Variants in USP15 observed in about 807,000 individuals in gnomAD.
USP15 encodes the protein ubiquitin carboxyl-terminal hydrolase 15.
A neutral mutation model predicts 127.1 loss-of-function variants in USP15; 18 were observed. The ratio of observed to expected loss-of-function variants is 0.14; its 90% CI spans 0.10 to 0.21. The LOEUF is 0.21. Ranked by LOEUF, USP15 falls within the 10% of genes least tolerant of loss-of-function variation. The pLI, the probability that USP15 is intolerant of heterozygous loss-of-function variation, is 1.00. For missense variants in USP15, 805 were observed against 1,159.9 expected (o/e 0.69, Z 4.44); for synonymous variants, 364 against 393.7 (o/e 0.92, Z 0.89).
chr12:62,287,202 A>G (rs1268914363), intron 1 of USP15, among the ~76,000 whole-genome samples: 1 of 152,108 alleles, frequency 6.6e-6, no homozygotes, highest in Non-Finnish European at 1.5e-5. Context: ...GCGGTTGGAA[A>G]AAAACCTCTC....
chr12:62,372,853 T>A (rs1426252261), intron 8 of USP15, among the ~76,000 whole-genome samples: 4 of 152,044 alleles, frequency 2.6e-5, no homozygotes, highest in Non-Finnish European at 5.9e-5. Context: ...TTCCATTCTT[T>A]AAAATAAATA....
Position 62,383,877 on chromosome 12 carries a change from A to T in USP15, c.1127A>T (p.Tyr376Phe), listed in dbSNP as rs1171252445. Residue 376 changes from tyrosine to phenylalanine, a missense_variant, in exon 10 of 22, where the codon TAT (tyrosine) becomes TTT (phenylalanine). Around this residue, in one of 11 missense-constraint regions of USP15, gnomAD observed 84 missense variants for 210.3 expected, o/e 0.40. Transcript: ENST00000280377. ...VGRFAPQFSGYQQQDCQELLA... is the reference protein window; with the variant it reads ...VGRFAPQFSGFQQQDCQELLA... ...CGTTTTGCACCTCAGTTCTCTGGAT[A>T]TCAGCAGCAAGACTGTCAAGAACTG... 6.2e-7 allele frequency: 1 copy of T among 1,612,902 alleles called. No homozygotes were observed. The highest frequency in any genetic ancestry group is 1.7e-5 in the Admixed American group (1 of 59,964).
chr12:62,311,015 CATTT>C (rs527553161), intron 3 of USP15, among the ~76,000 whole-genome samples: 44 of 151,954 alleles, frequency 2.9e-4, no homozygotes, highest in Admixed American at 1.1e-3. Flanking sequence ...GTTGGCCATT[CATTT>C]GTCTTTTGAG....
rs114978315 is a variant in USP15 at position 62,279,077 on chromosome 12, A to G, written c.90-15102A>G. The G allele has an allele frequency of 2.0e-3, 302 of 152,242 alleles. 3 individuals are homozygous for G. Among genetic ancestry groups the G allele is most frequent in the African/African-American group, 6.8e-3 (281 of 41,548 alleles). 9.4% of individuals were successfully genotyped at this position (152,242 alleles called of 1,614,324 possible). ...TCTGTACAATATAATATTGTTAACTATAGGCACAATATTGTACAATAGACT... is the reference window on the plus strand; with the variant it reads ...TCTGTACAATATAATATTGTTAACTGTAGGCACAATATTGTACAATAGACT... On this transcript the variant is annotated intron_variant, in intron 1 of 21. Transcript: ENST00000280377.
chr12:62,347,487 G>A (rs1477389957), intron 6 of USP15, among the ~76,000 whole-genome samples: 1 of 151,676 alleles, frequency 6.6e-6, no homozygotes, highest in Admixed American at 6.6e-5. Flanking sequence ...ATATGTTTTT[G>A]AAAAGTTGTA....
intron 6 of USP15, chr12:62,335,209 C>T (rs2065424312): frequency 6.5e-7 from 1 of 1,535,598 alleles, no homozygotes; most frequent in East Asian, 2.4e-5. Flanking sequence ...TTAATTTCCA[C>T]ATACGTCACA....
At chr12:62,317,371 G>T (rs1257132069) in intron 4 of USP15, among the ~76,000 whole-genome samples, 2 of 152,148 alleles carry the variant, frequency 1.3e-5, no homozygotes, top group Non-Finnish European at 2.9e-5. Flanking sequence ...CTGAGATTTA[G>T]AATCTACTTC....
intron 1 of USP15, among the ~76,000 whole-genome samples, chr12:62,287,268 C>A (rs2063814912): frequency 6.6e-6 from 1 of 152,140 alleles, no homozygotes. Flanking sequence ...ACCTCAGCAT[C>A]ACGCAATATA....
intron 8 of USP15, among the ~76,000 whole-genome samples, chr12:62,367,671 T>A (rs2066522409): frequency 6.6e-6 from 1 of 152,204 alleles, no homozygotes; most frequent in East Asian, 1.9e-4. Flanking sequence ...TTATCATTTT[T>A]TATTGCGTCT....
chr12:62,336,054 G>T (rs1048098673), intron 6 of USP15: 1 of 984,828 alleles, frequency 1.0e-6, no homozygotes, highest in Non-Finnish European at 1.2e-6. Flanking sequence ...TTGGCACGGT[G>T]CAGTGCAGCT....
chr12:62,348,177 C>G (rs932281244), intron 6 of USP15, among the ~76,000 whole-genome samples: 5 of 152,104 alleles, frequency 3.3e-5, no homozygotes, highest in Admixed American at 2.6e-4. Flanking sequence ...CACTGCCCCC[C>G]AGCCTGGGCA....
At chr12:62,287,645 G>A (rs1203932720) in intron 1 of USP15, among the ~76,000 whole-genome samples, 1 of 151,972 alleles carries the variant, frequency 6.6e-6, no homozygotes, top group Non-Finnish European at 1.5e-5. Flanking sequence ...CTTTGTGTAG[G>A]CCAGTGAACA....
rs957274156 is a variant in USP15 at position 62,410,160 on chromosome 12, T to C, written c.*5785T>C. The C allele has an allele frequency of 2.0e-5, 3 of 152,132 alleles. No homozygotes were observed. Among genetic ancestry groups the C allele is most frequent in the Non-Finnish European group, 4.4e-5 (3 of 68,012 alleles). The allele number at this position is 152,132 out of a possible 1,614,324, so 9.4% of individuals were successfully genotyped here. On this transcript the variant is annotated 3_prime_UTR_variant, in exon 22 of 22. Coordinates refer to ENST00000280377, the MANE Select transcript of USP15 (RefSeq NM_001252078.2). ...TTATATCAAGTGGGCAATATTTAAA[T>C]TGTCTGATAAGTTCATCCAAATTAA...
chr12:62,279,716 A>T (rs921376580), intron 1 of USP15, among the ~76,000 whole-genome samples: 7 of 152,126 alleles, frequency 4.6e-5, no homozygotes, highest in Non-Finnish European at 1.0e-4. Flanking sequence ...AAGTGTTGTA[A>T]CACCTTGAAA....
chr12:62,282,458 A>G lies in USP15; in HGVS notation c.90-11721A>G, dbSNP rs376839447. 2.0e-5 allele frequency among the ~76,000 whole-genome samples: 3 copies of G among 152,350 alleles called. No individual in the cohort carries two copies. The South Asian group carries it at 6.2e-4, about 32-fold the overall frequency. On this transcript the variant is annotated intron_variant, in intron 1 of 21. Coordinates refer to ENST00000280377, the MANE Select transcript of USP15 (RefSeq NM_001252078.2). Reference sequence around the variant, plus strand: ...AGTTATGTGGATGTGGTTTCTCAAAATACCTTACTGTACTGTACTTACCCT... The same window carrying G: ...AGTTATGTGGATGTGGTTTCTCAAAGTACCTTACTGTACTGTACTTACCCT...
intron 21 of USP15, among the ~76,000 whole-genome samples, chr12:62,402,436 T>C (rs180960174): frequency 6.6e-6 from 1 of 152,192 alleles, no homozygotes; most frequent in East Asian, 1.9e-4. Flanking sequence ...AACTTCTGTC[T>C]CAACTCAGAT....
chr12:62,263,894 A>G (rs1003355895), intron 1 of USP15, among the ~76,000 whole-genome samples: 3 of 152,212 alleles, frequency 2.0e-5, no homozygotes, highest in African/African-American at 7.2e-5. Context: ...ACAAAAAGAT[A>G]ATTTGCTTAA....
At chr12:62,376,036 A>G (rs2066819064) in intron 8 of USP15, among the ~76,000 whole-genome samples, 6 of 152,074 alleles carry the variant, frequency 3.9e-5, no homozygotes, top group African/African-American at 1.4e-4. Context: ...TCATGGATCA[A>G]CTTTTCATAA....
intron 21 of USP15, among the ~76,000 whole-genome samples, chr12:62,401,646 C>T (rs2067692678): frequency 3.3e-5 from 5 of 151,642 alleles, no homozygotes; most frequent in African/African-American, 9.7e-5. Flanking sequence ...AGTACCTTAC[C>T]GTACCTGTGA....
Sources: allele counts gnomAD v4.1 joint callset (sites outside exome capture counted in the v4.1 genomes callset), GRCh38; gene constraint gnomAD v4.1.1; regional missense constraint gnomAD v4.1.1; transcripts MANE v1.5; gene names NCBI Gene and HGNC (gene_info 2026-07-23, HGNC 2026-07-21).